The following BLTP1 variants were observed in gnomAD, a reference collection of about 807,000 sequenced individuals.
The protein encoded by BLTP1 is bridge-like lipid transfer protein family member 1, also known as fragile site-associated protein.
At chr4:122,308,817 C>T in the BLTP1 span, among the ~76,000 whole-genome samples, 2 of 151,958 alleles carry the variant, frequency 1.3e-5, no homozygotes, top group African/African-American at 4.8e-5. Flanking sequence ...AACTTGTAAC[C>T]AGTTGTTGAA....
chr4:122,209,706 G>A, the BLTP1 span: 1 of 1,357,814 alleles, frequency 7.4e-7, no homozygotes, highest in Non-Finnish European at 1.0e-6. Context: ...TATATGTGGA[G>A]AAATTCTTCT....
the BLTP1 span, among the ~76,000 whole-genome samples, chr4:122,319,625 AC>A: frequency 6.9e-6 from 1 of 145,626 alleles, no homozygotes; most frequent in African/African-American, 2.6e-5. Flanking sequence ...TACTGCAACC[AC>A]CACCTCCCGG....
At chr4:122,183,072 A>C in the BLTP1 span, 1 of 961,786 alleles carries the variant, frequency 1.0e-6, no homozygotes, top group Non-Finnish European at 1.2e-6. Context: ...GCAGTAGCTC[A>C]CACTGGTAAT....
the BLTP1 span, among the ~76,000 whole-genome samples, chr4:122,282,377 C>A: frequency 6.6e-6 from 1 of 152,188 alleles, no homozygotes; most frequent in East Asian, 1.9e-4. Context: ...CGCAGTGGCT[C>A]ACACCTGTAA....
chr4:122,171,750 C>T, the BLTP1 span: 40 of 919,046 alleles, frequency 4.4e-5, no homozygotes, highest in Non-Finnish European at 4.9e-5. Flanking sequence ...TTTCCTATCA[C>T]CTAGAATTTT....
chr4:122,360,002 C>T, the BLTP1 span: 2 of 985,254 alleles, frequency 2.0e-6, no homozygotes. Flanking sequence ...ACTGTTGCCA[C>T]TAGTTTTTCA....
chr4:122,174,789 C>T, the BLTP1 span: 1 of 703,250 alleles, frequency 1.4e-6, no homozygotes, highest in Non-Finnish European at 2.2e-6. Flanking sequence ...TCCAGTAAAT[C>T]ATACTTGATG....
chr4:122,198,605 T>A, the BLTP1 span, among the ~76,000 whole-genome samples: 1 of 152,090 alleles, frequency 6.6e-6, no homozygotes, highest in Non-Finnish European at 1.5e-5. Context: ...ATATCTATTA[T>A]AAATGTGTGG....
chr4:122,199,808 T>C, the BLTP1 span: 1 of 563,924 alleles, frequency 1.8e-6, no homozygotes, highest in Non-Finnish European at 2.2e-6. Context: ...GCTGGATTTC[T>C]TTCCCAGGGT....
the BLTP1 span, chr4:122,200,376 G>C: frequency 2.9e-6 from 2 of 683,278 alleles, no homozygotes; most frequent in Non-Finnish European, 3.6e-6. Context: ...TCAGGAGTTC[G>C]AGACCAGCCT....
At chr4:122,236,837 G>A in the BLTP1 span, 7 of 985,226 alleles carry the variant, frequency 7.1e-6, no homozygotes, top group Admixed American at 1.2e-4. Flanking sequence ...TGTAATTGCC[G>A]AATTGCCATA....
the BLTP1 span, among the ~76,000 whole-genome samples, chr4:122,278,505 G>A: frequency 2.0e-5 from 3 of 152,118 alleles, no homozygotes; most frequent in Non-Finnish European, 2.9e-5. Flanking sequence ...AAGCTTTCCC[G>A]AGCATTTTTC....
At chr4:122,199,517 T>G in the BLTP1 span, 39 of 1,315,790 alleles carry the variant, frequency 3.0e-5, no homozygotes, top group East Asian at 9.3e-4. Flanking sequence ...TTTTCTTATA[T>G]TAAGTTTAAG....
the BLTP1 span, among the ~76,000 whole-genome samples, chr4:122,282,418 G>T: frequency 0.24 from 36,528 of 152,004 alleles, 4,786 homozygotes; most frequent in African/African-American, 0.31. Flanking sequence ...GAGGCGGGTG[G>T]ATCACCCGAG....
the BLTP1 span, chr4:122,249,410 A>T: frequency 6.4e-7 from 1 of 1,556,554 alleles, no homozygotes. Flanking sequence ...AGTGTGCCAT[A>T]TGTCCAAATG....
At chr4:122,264,138 C>G in the BLTP1 span, 1 of 1,269,810 alleles carries the variant, frequency 7.9e-7, no homozygotes, top group African/African-American at 1.5e-5. Context: ...TCAATTTAAT[C>G]AGTCTTGAAA....
chr4:122,288,843 C>T, the BLTP1 span, among the ~76,000 whole-genome samples: 2 of 152,066 alleles, frequency 1.3e-5, no homozygotes, highest in East Asian at 3.9e-4. Flanking sequence ...CCAGACTTCT[C>T]ATACCTTATT....
the BLTP1 span, among the ~76,000 whole-genome samples, chr4:122,279,510 T>C: frequency 3.3e-5 from 5 of 152,180 alleles, no homozygotes; most frequent in African/African-American, 4.8e-5. Flanking sequence ...CATGTTGTTT[T>C]GATGGGGGCT....
the BLTP1 span, chr4:122,256,930 C>A: frequency 5.5e-6 from 1 of 181,936 alleles, no homozygotes; most frequent in African/African-American, 2.4e-5. Context: ...TTCACTTGGG[C>A]AAAATAAGTA....
Sources: gnomAD v4.1 joint callset for allele counts (sites outside exome capture counted in the v4.1 genomes callset) on GRCh38, gnomAD v4.1.1 for gene constraint, MANE v1.5 for transcripts, NCBI Gene and HGNC (gene_info 2026-07-23, HGNC 2026-07-21) for gene names.